The following ICAM3 variants were observed in gnomAD, a reference collection of about 807,000 sequenced individuals.
The protein encoded by ICAM3 is intercellular adhesion molecule 3, also known as ICAM-3.
Under a neutral mutation model 43.6 loss-of-function variants are expected in ICAM3, and 54 were observed. That is an observed-to-expected ratio of 1.24 (90% confidence interval 0.99 to 1.55). The LOEUF (loss-of-function observed/expected upper bound fraction) is 1.55. Among genes scored for constraint, ICAM3 ranks in the 40% most tolerant of loss-of-function variants. The pLI, the probability that ICAM3 is intolerant of heterozygous loss-of-function variation, is 0.00. For synonymous variants in ICAM3, 306 were observed against 312.6 expected (o/e 0.98, Z 0.22); for missense variants, 715 against 717.9 (o/e 1.00, Z 0.05).
rs1040696832 is a variant in ICAM3 at position 10,338,879 on chromosome 19, A to G, written c.146T>C (p.Leu49Pro). Reference sequence around the variant, plus strand: ...ACAATCAGTACTGCAGTTCACAAACAGGGACCCTCCAGCAGAGAGCACAGG... The same window carrying G: ...ACAATCAGTACTGCAGTTCACAAACGGGGACCCTCCAGCAGAGAGCACAGG... ...QNPVLSAGGS[L>P]FVNCSTDCPS... The change falls in exon 2 of 7, where the codon CTG becomes CCG. Residue 49 changes from leucine to proline, a missense_variant. Physicochemically the swap from Leu to Pro is moderately conservative, Grantham distance 98 (BLOSUM62 -3). Coordinates refer to ENST00000160262, the MANE Select transcript of ICAM3 (RefSeq NM_002162.5). 8.1e-6 allele frequency: 13 copies of G among 1,614,052 alleles called. No individual in the cohort carries two copies. The highest frequency in any genetic ancestry group is 1.0e-5 in the Non-Finnish European group (12 of 1,180,048).
chr19:10,338,614 C>T, intron 2 of ICAM3, 68 bp downstream of exon 2: 1 of 1,503,374 alleles, frequency 6.7e-7, no homozygotes, highest in South Asian at 1.2e-5. Flanking sequence ...CCCCACTCTC[C>T]TGAGCCATTG....
chr19:10,333,909 G>A lies in ICAM3; in HGVS notation c.1592C>T (p.Thr531Met). The change falls in exon 7 of 7, where the codon ACG (threonine) becomes ATG (methionine). Residue 531 changes from threonine to methionine, a missense_variant. Thr to Met is a moderately conservative substitution (Grantham distance 81). Coordinates refer to ENST00000160262, the MANE Select transcript of ICAM3 (RefSeq NM_002162.5). This position sits in a 1 kb window ranked among gnomAD's most constrained non-coding sequence, Gnocchi z 4.2. ...CATTGCTTCTGTCGGCTGCATAGACGTGAGGGGCAGATAGGTGCTCTCCTC... is the reference window on the plus strand; with the variant it reads ...CATTGCTTCTGTCGGCTGCATAGACATGAGGGGCAGATAGGTGCTCTCCTC... ...VREESTYLPL[T>M]SMQPTEAMGE... 6.2e-7 allele frequency: 1 copy of A among 1,614,170 alleles called. No individual in the cohort carries two copies. The highest frequency in any genetic ancestry group is 8.5e-7 in the Non-Finnish European group (1 of 1,180,034).
Position 10,333,825 on chromosome 19 carries a change from G to T in ICAM3, c.*32C>A. On this transcript the variant is annotated 3_prime_UTR_variant, in exon 7 of 7. Coordinates refer to ENST00000160262, the MANE Select transcript of ICAM3 (RefSeq NM_002162.5). This position sits in a 1 kb window ranked among gnomAD's most constrained non-coding sequence, Gnocchi z 4.2. ...GTGCGGAATCTGAGGGCACAGCCAA[G>T]CCCCCGCCAACTTTGATCCCGGATC... 6.2e-7 allele frequency: 1 copy of T among 1,605,112 alleles called. No homozygotes were observed. The highest frequency in any genetic ancestry group is 8.5e-7 in the Non-Finnish European group (1 of 1,172,164).
rs993573002 is a variant in ICAM3, at chr19:10,334,064, G to A, written c.1442-5C>T. Reference sequence around the variant, plus strand: ...GGACAAAGTGGGAGCTCCCAGCTGTGCAGAGAAAGCGCTAAGTCAATATGC... The same window carrying A: ...GGACAAAGTGGGAGCTCCCAGCTGTACAGAGAAAGCGCTAAGTCAATATGC... On this transcript the variant is annotated splice_region_variant and splice_polypyrimidine_tract_variant and intron_variant, in intron 6 of 6. Transcript: ENST00000160262. This position sits in a 1 kb window ranked among gnomAD's most constrained non-coding sequence, Gnocchi z 5.5. 6.2e-7 allele frequency: 1 copy of A among 1,613,794 alleles called. No homozygotes were observed. Among genetic ancestry groups the A allele is most frequent in the South Asian group, 1.1e-5 (1 of 91,082 alleles).
chr19:10,338,982 T>C (rs1252276349), intron 1 of ICAM3, 34 bp from the exon 2 acceptor site: 17 of 1,606,146 alleles, frequency 1.1e-5, no homozygotes, highest in Non-Finnish European at 1.2e-5. Context: ...GGTGTTTGTT[T>C]CCTTGTCCCC....
At chr19:10,335,605 C>T (rs1568317705) in intron 3 of ICAM3, 66 bp downstream of exon 3, 2 of 1,471,470 alleles carry the variant, frequency 1.4e-6, no homozygotes, top group Admixed American at 2.0e-5. Flanking sequence ...CTCAGGAACC[C>T]CAAGGTCAGG....
chr19:10,334,509 G>A lies in ICAM3; in HGVS notation c.1192+19C>T, dbSNP rs761839273. The A allele has an allele frequency of 1.4e-5, 23 of 1,603,076 alleles. No homozygotes were observed. The highest frequency in any genetic ancestry group is 3.3e-4 in the Middle Eastern group (2 of 6,048). On this transcript the variant is annotated intron_variant, in intron 5 of 6. Transcript: ENST00000160262. This position sits in a 1 kb window ranked among gnomAD's most constrained non-coding sequence, Gnocchi z 5.5. ...CAGGGCAGGGGTGGAGGGATTAAAG[G>A]TCAGGGTGACCGACTCACACAGGAC...
intron 1 of ICAM3, chr19:10,339,313 G>GGTGT (rs371594208): frequency 3.5e-6 from 2 of 572,576 alleles, no homozygotes; most frequent in Non-Finnish European, 3.1e-6. Flanking sequence ...AAGCATGAGG[G>GGTGT]GTGTGTGTGT....
intron 3 of ICAM3, 56 bp downstream of exon 3, chr19:10,335,615 G>C: frequency 6.7e-7 from 1 of 1,499,900 alleles, no homozygotes; most frequent in African/African-American, 1.4e-5. Flanking sequence ...CCAAGGTCAG[G>C]GCACCGTCTA....
rs1251620674 is a variant in ICAM3, at chr19:10,334,030, C to T, written c.1471G>A (p.Val491Met). 3 of 1,614,102 alleles carry T rather than the reference C, an allele frequency of 1.9e-6. No homozygotes were observed. Among genetic ancestry groups the T allele is most frequent in the Admixed American group, 1.7e-5 (1 of 59,998 alleles). Reference protein sequence around the residue: ...AGSSHFVPVFVAVLLTLGVVT... With the variant: ...AGSSHFVPVFMAVLLTLGVVT... ...ACGCCCAGGGTCAGTAACACCGCCA[C>T]GAAGACGGGGACAAAGTGGGAGCTC... The change falls in exon 7 of 7, where the codon GTG becomes ATG. Residue 491 changes from valine (V) to methionine (M), a missense_variant. Coordinates refer to ENST00000160262, the MANE Select transcript of ICAM3 (RefSeq NM_002162.5). This position sits in a 1 kb window ranked among gnomAD's most constrained non-coding sequence, Gnocchi z 5.5.
chr19:10,334,671 G>T lies in ICAM3; in HGVS notation c.1049C>A (p.Pro350Gln). 6.2e-7 allele frequency: 1 copy of T among 1,613,254 alleles called. No individual in the cohort carries two copies. Reference protein sequence around the residue: ...ARVQVTLDGVPAAAPGQPAQL... With the variant: ...ARVQVTLDGVQAAAPGQPAQL... ...AGCTGGCTGCCCCGGGGCCGCGGCC[G>T]GAACTCCGTCCAGCGTGACCTGGAC... is the stretch of plus-strand genomic sequence containing the variant. The change falls in exon 5 of 7, where the codon CCG (proline) becomes CAG (glutamine). Residue 350 changes from proline (P) to glutamine (Q), a missense_variant. Pro to Gln is a moderately conservative substitution (Grantham distance 76). Coordinates refer to ENST00000160262, the MANE Select transcript of ICAM3 (RefSeq NM_002162.5). This position sits in a 1 kb window ranked among gnomAD's most constrained non-coding sequence, Gnocchi z 5.5.
Position 10,335,961 on chromosome 19 carries a change from A to G in ICAM3, c.359T>C (p.Val120Ala), listed in dbSNP as rs1568318193. Residue 120 changes from valine to alanine, a missense_variant, in exon 3 of 7, where the codon GTG (valine) becomes GCG (alanine). By Grantham distance (64) the Val-to-Ala change is moderately conservative. Transcript: ENST00000160262. ...NITVYRLPERVELAPLPPWQP... is the reference protein window; with the variant it reads ...NITVYRLPERAELAPLPPWQP... ...CCAAGGAGGCAGGGGTGCCAGCTCC[A>G]CACGCTCCGGGAGCCCTGAGAGAGG... The G allele has an allele frequency of 1.3e-6, 2 of 1,565,158 alleles. No individual in the cohort carries two copies. Among genetic ancestry groups the G allele is most frequent in the Non-Finnish European group, 1.7e-6 (2 of 1,161,584 alleles).
chr19:10,334,794 G>T lies in ICAM3; in HGVS notation c.938-12C>A, dbSNP rs1464094335. 1 of 1,568,694 alleles carries T rather than the reference G, an allele frequency of 6.4e-7. No individual in the cohort carries two copies. Among genetic ancestry groups the T allele is most frequent in the Non-Finnish European group, 8.7e-7 (1 of 1,154,718 alleles). ...GGGTCCTAGGAAGCCTAAAGGCGGG[G>T]CATTGCCCAGGAGCTTAATGAACAG... is the stretch of plus-strand genomic sequence containing the variant. On this transcript the variant is annotated splice_polypyrimidine_tract_variant and intron_variant, in intron 4 of 6. Transcript: ENST00000160262. The surrounding 1 kb of genome is among the most constrained non-coding windows in gnomAD (Gnocchi z 5.5).
chr19:10,334,154 G>C lies in ICAM3; in HGVS notation c.1441+6C>G, dbSNP rs763741904. The stretch of plus-strand genomic sequence containing the variant: ...GGTCCAGACCCGCAGCCCCGTGTTA[G>C]CTCACCCTCAATGTCCATCACCACG... On this transcript the variant is annotated splice_donor_region_variant and intron_variant, in intron 6 of 6. Coordinates refer to ENST00000160262, the MANE Select transcript of ICAM3 (RefSeq NM_002162.5). The surrounding 1 kb of genome is among the most constrained non-coding windows in gnomAD (Gnocchi z 5.5). The C allele has an allele frequency of 6.3e-7, 1 of 1,595,420 alleles. No individual in the cohort carries two copies. The highest frequency in any genetic ancestry group is 8.6e-7 in the Non-Finnish European group (1 of 1,163,660).
At chr19:10,337,726 C>T (rs1361642697) in intron 2 of ICAM3, among the ~76,000 whole-genome samples, 1 of 152,122 alleles carries the variant, frequency 6.6e-6, no homozygotes, top group African/African-American at 2.4e-5. Context: ...TGGGCTCAAG[C>T]GATTCTCCCA....
Position 10,333,855 on chromosome 19 carries a change from C to G in ICAM3, c.*2G>C. 6.8e-6 allele frequency: 11 copies of G among 1,612,800 alleles called. No homozygotes were observed. The highest frequency in any genetic ancestry group is 9.3e-6 in the Non-Finnish European group (11 of 1,178,874). On this transcript the variant is annotated 3_prime_UTR_variant, in exon 7 of 7. Coordinates refer to ENST00000160262, the MANE Select transcript of ICAM3 (RefSeq NM_002162.5). The surrounding 1 kb of genome is among the most constrained non-coding windows in gnomAD (Gnocchi z 4.2). ...CGCCAACTTTGATCCCGGATCCCAG[C>G]GTCACTCAGCTCTGGACGGTTCTTC...
At position 10,335,697 on chromosome 19, in the gene ICAM3, G is replaced by T; in HGVS notation, c.623C>A (p.Ser208Ter). The T allele has an allele frequency of 6.2e-7, 1 of 1,607,164 alleles. No homozygotes were observed. Among genetic ancestry groups the T allele is most frequent in the East Asian group, 2.2e-5 (1 of 44,666 alleles). Residue 208 changes from serine (S) to a stop codon, truncating the protein, a stop_gained, in exon 3 of 7, where the codon TCA (serine) becomes TAA (stop). Coordinates refer to ENST00000160262, the MANE Select transcript of ICAM3 (RefSeq NM_002162.5). LOFTEE classifies it high-confidence loss of function. ...PQGLGLFVNT[S>*]APRQLRTFVL... is the part of the protein sequence containing the mutation. ...AAAGGTTCGGAGCTGGCGGGGGGCTGAGGTGTTCACGAACAGTCCCAGCCC... is the reference window on the plus strand; with the variant it reads ...AAAGGTTCGGAGCTGGCGGGGGGCTTAGGTGTTCACGAACAGTCCCAGCCC...
chr19:10,335,479 C>T (rs2040586418), intron 3 of ICAM3, 126 bp from the exon 4 acceptor site: 8 of 1,126,624 alleles, frequency 7.1e-6, no homozygotes, highest in Admixed American at 2.7e-5. Flanking sequence ...CACACAGGGC[C>T]ATGAAAACGG....
chr19:10,339,307 A>T (rs1281630220), intron 1 of ICAM3: 2 of 587,518 alleles, frequency 3.4e-6, no homozygotes. Flanking sequence ...AGCAGGAAGC[A>T]TGAGGGGTGT....
Sources: allele counts gnomAD v4.1 joint callset (sites outside exome capture counted in the v4.1 genomes callset), GRCh38; gene constraint gnomAD v4.1.1; non-coding constraint Gnocchi (gnomAD v3.1); transcripts MANE v1.5; gene names NCBI Gene and HGNC (gene_info 2026-07-23, HGNC 2026-07-21).